The following DACH2 variants were observed in gnomAD, a reference collection of about 807,000 sequenced individuals.
DACH2 encodes dachshund homolog 2.
In DACH2, 17 loss-of-function variants were observed where a neutral mutation model predicts 35.8. The observed-to-expected ratio is 0.48, with a 90% CI of 0.33 to 0.71. The LOEUF is 0.71. Among genes scored for constraint, DACH2 ranks in the 30% least tolerant of loss-of-function variants. The probability of loss-of-function intolerance (pLI) is 0.02; values close to 1 mark genes in which losing one functional copy is unlikely to be tolerated. For missense variants in DACH2, 469 were observed against 472.7 expected, an observed-to-expected ratio of 0.99 and a Z score of 0.07; for synonymous variants, 195 against 177.3, an observed-to-expected ratio of 1.10 and a Z score of -0.79.
intron 3 of DACH2, among the ~76,000 whole-genome samples, chrX:86,589,806 C>T (rs946300032): frequency 1.1e-4 from 12 of 111,553 alleles, no homozygotes; most frequent in East Asian, 8.5e-4. Context: ...TTTTAGCCTG[C>T]GTTCTTTCAC....
At chrX:86,246,031 TATTAGCAACAGA>T (rs779310011) in intron 1 of DACH2, among the ~76,000 whole-genome samples, 1 of 111,328 alleles carries the variant, frequency 9.0e-6, no homozygotes, top group African/African-American at 3.3e-5. Flanking sequence ...CAATCAGAAG[TATTAGCAACAGA>T]ATACACCAAG....
At chrX:86,733,981 T>C (rs2041564522) in intron 6 of DACH2, among the ~76,000 whole-genome samples, 1 of 95,430 alleles carries the variant, frequency 1.0e-5, no homozygotes, top group African/African-American at 3.9e-5. Flanking sequence ...TTAGTGGGCA[T>C]TAAGGGTTGT....
intron 3 of DACH2, among the ~76,000 whole-genome samples, chrX:86,523,428 G>C (rs1267082840): frequency 2.7e-5 from 3 of 111,401 alleles, no homozygotes; most frequent in Non-Finnish European, 5.7e-5. Context: ...AAAATATCAA[G>C]CCCTCATTCT....
chrX:86,238,745 G>A (rs765385618), intron 1 of DACH2, among the ~76,000 whole-genome samples: 27 of 110,875 alleles, frequency 2.4e-4, no homozygotes, highest in African/African-American at 8.2e-4. Flanking sequence ...CATAATGAAA[G>A]AACATGAAAT....
intron 4 of DACH2, among the ~76,000 whole-genome samples, chrX:86,659,675 T>G (rs190774446): frequency 5.7e-4 from 64 of 111,777 alleles, no homozygotes; most frequent in African/African-American, 2.0e-3. Context: ...TTTCTGGTTT[T>G]TTGTACATTA....
At chrX:86,603,858 C>A (rs1339889024) in intron 3 of DACH2, among the ~76,000 whole-genome samples, 1 of 111,211 alleles carries the variant, frequency 9.0e-6, no homozygotes, top group Non-Finnish European at 1.9e-5. Flanking sequence ...TTTTCATTTA[C>A]AATGATTTCA....
chrX:86,677,358 G>A (rs1298913333), intron 4 of DACH2, among the ~76,000 whole-genome samples: 2 of 111,979 alleles, frequency 1.8e-5, no homozygotes, highest in Non-Finnish European at 3.8e-5. Context: ...AATGCAATTT[G>A]CACACTATTC....
chrX:86,412,659 T>C (rs1458052543), intron 2 of DACH2, among the ~76,000 whole-genome samples: 1 of 111,704 alleles, frequency 9.0e-6, no homozygotes, highest in Non-Finnish European at 1.9e-5. Context: ...TGAGTCCACG[T>C]ATACTAGTCT....
At chrX:86,270,893 G>T (rs1270364232) in intron 1 of DACH2, among the ~76,000 whole-genome samples, 2 of 111,549 alleles carry the variant, frequency 1.8e-5, no homozygotes, top group African/African-American at 3.3e-5. Flanking sequence ...AATAGAGGGA[G>T]AAATCACTTC....
intron 1 of DACH2, among the ~76,000 whole-genome samples, chrX:86,369,560 T>C (rs2035855774): frequency 1.8e-5 from 2 of 111,326 alleles, no homozygotes; most frequent in African/African-American, 3.3e-5. Flanking sequence ...GAATGATCAA[T>C]TGGCAAATGA....
chrX:86,703,365 G>A lies in DACH2; in HGVS notation c.931+8186G>A, dbSNP rs772716034. On this transcript the variant is annotated intron_variant, in intron 5 of 11. Transcript: ENST00000373125. ...TTTCCCCATAAGAACTGGAACGAGA[G>A]AAGGTTGCCCATTTTTACCACTCCT... 4.5e-4 allele frequency among the ~76,000 whole-genome samples: 50 copies of A among 111,346 alleles called. No homozygotes were observed. The Admixed American group carries it at 4.6e-3, about 10-fold the overall frequency.
chrX:86,275,413 A>T (rs1402410553), intron 1 of DACH2, among the ~76,000 whole-genome samples: 2 of 111,166 alleles, frequency 1.8e-5, no homozygotes, highest in African/African-American at 6.5e-5. Context: ...TTTTCATTTT[A>T]ATTTTTGTGG....
intron 2 of DACH2, among the ~76,000 whole-genome samples, chrX:86,462,282 A>G (rs1405973678): frequency 1.8e-5 from 2 of 111,987 alleles, no homozygotes; most frequent in South Asian, 3.6e-4. Context: ...GCATTTTTAT[A>G]TAAAACAAAT....
intron 3 of DACH2, among the ~76,000 whole-genome samples, chrX:86,646,025 T>A (rs2040410905): frequency 1.8e-5 from 2 of 111,348 alleles, no homozygotes; most frequent in Admixed American, 1.9e-4. Context: ...TGTAACAGAC[T>A]TTCTCATGTA....
At position 86,148,503 on chromosome X, in the gene DACH2, C is replaced by A. The variant is rs1047875859; in HGVS notation, c.-118C>A. On this transcript the variant is annotated 5_prime_UTR_variant, in exon 1 of 12. Transcript: ENST00000373125. ...GGCTGCTGAAGACTTGCGAACAGTT[C>A]GGAGCCAGCGAGAGCGCGCCAGAGA... 4 of 865,213 alleles carry A rather than the reference C, an allele frequency of 4.6e-6. No homozygotes were observed. The highest frequency in any genetic ancestry group is 4.7e-6 in the Non-Finnish European group (3 of 631,587). The allele number at this position is 865,213 out of a possible 1,213,427, so 71.3% of individuals were successfully genotyped here.
chrX:86,478,618 A>T (rs1157845578), intron 2 of DACH2, among the ~76,000 whole-genome samples: 1 of 81,913 alleles, frequency 1.2e-5, no homozygotes, highest in African/African-American at 4.8e-5. Flanking sequence ...TTTATCATTG[A>T]TCTTTGGGTT....
intron 1 of DACH2, among the ~76,000 whole-genome samples, chrX:86,371,417 C>G (rs2035885728): frequency 9.1e-6 from 1 of 110,356 alleles, no homozygotes; most frequent in Admixed American, 9.8e-5. Context: ...CAAATAATTA[C>G]AGAAAAAAAA....
intron 3 of DACH2, among the ~76,000 whole-genome samples, chrX:86,641,029 C>T (rs1033751197): frequency 8.9e-6 from 1 of 112,121 alleles, no homozygotes. Flanking sequence ...ACTCTAATAA[C>T]TAAAATGGCC....
intron 5 of DACH2, among the ~76,000 whole-genome samples, chrX:86,712,536 ATG>A (rs2041291327): frequency 9.0e-6 from 1 of 110,791 alleles, no homozygotes; most frequent in Non-Finnish European, 1.9e-5. Context: ...GTGTGTATAT[ATG>A]TGTGTGTACA....
Sources: allele counts gnomAD v4.1 joint callset (sites outside exome capture counted in the v4.1 genomes callset), GRCh38; gene constraint gnomAD v4.1.1; transcripts MANE v1.5; gene names NCBI Gene and HGNC (gene_info 2026-07-23, HGNC 2026-07-21).